PDZD7: variants seen among roughly 807,000 people sequenced by gnomAD.
PDZD7 encodes PDZ domain-containing protein 7.
A neutral mutation model predicts 84.7 loss-of-function variants in PDZD7; 72 were observed. That is an observed-to-expected ratio of 0.85 (90% CI 0.70 to 1.03). The LOEUF is 1.03. Ranked by LOEUF, PDZD7 falls within the 50% of genes least tolerant of loss-of-function variation. The pLI is 0.00. For missense variants in PDZD7, 1,490 were observed against 1,412.9 expected, an observed-to-expected ratio of 1.05 and a Z score of -0.87; for synonymous variants, 594 against 580.7, an observed-to-expected ratio of 1.02 and a Z score of -0.33.
intron 7 of PDZD7, among the ~76,000 whole-genome samples, chr10:101,020,148 T>C (rs371492255): frequency 6.6e-6 from 1 of 152,136 alleles, no homozygotes; most frequent in South Asian, 2.1e-4. Context: ...TTCACTCTTA[T>C]TGCCCAGGCT....
Position 101,008,614 on chromosome 10 carries a change from A to C in PDZD7, c.2955T>G (p.Val985=). 1.3e-6 allele frequency: 2 copies of C among 1,535,902 alleles called. No homozygotes were observed. Among genetic ancestry groups the C allele is most frequent in the East Asian group, 4.9e-5 (2 of 40,914 alleles). The part of the protein sequence containing the change: ...PAHQPLDAAP[V]PAHWLPEPPT... ...GAGGTTCTGGGAGCCAGTGGGCAGGAACTGGAGCAGCATCAAGGGGTTGGT... is the reference window on the plus strand; with the variant it reads ...GAGGTTCTGGGAGCCAGTGGGCAGGCACTGGAGCAGCATCAAGGGGTTGGT... The change falls in exon 17 of 17, where the codon GTT becomes GTG. Residue 985 remains valine, a synonymous_variant. Transcript: ENST00000619208.
intron 11 of PDZD7, among the ~76,000 whole-genome samples, chr10:101,012,526 A>G (rs11190790): frequency 6.6e-6 from 1 of 151,986 alleles, no homozygotes; most frequent in African/African-American, 2.4e-5. Context: ...AGCCTTTTAC[A>G]TACTGTCTCT....
rs1219143859 is a variant in PDZD7, at chr10:101,022,202, C to T, written c.719+7G>A. 2 of 1,614,066 alleles carry T rather than the reference C, an allele frequency of 1.2e-6. No individual in the cohort carries two copies. Among genetic ancestry groups the T allele is most frequent in the Non-Finnish European group, 1.7e-6 (2 of 1,180,024 alleles). On this transcript the variant is annotated splice_region_variant and intron_variant, in intron 5 of 16. Transcript: ENST00000619208. ...TACCCGAAGACACTTCCTGCCTCAGCCCTCACTTGGACACATAGATGCCCA... is the reference window on the plus strand; with the variant it reads ...TACCCGAAGACACTTCCTGCCTCAGTCCTCACTTGGACACATAGATGCCCA...
At chr10:101,030,674 G>T (rs765774409) in intron 1 of PDZD7, 19 of 319,436 alleles carry the variant, frequency 5.9e-5, no homozygotes, top group Non-Finnish European at 8.0e-5. Context: ...GGATTACTGC[G>T]GGCCCTGGGG....
intron 6 of PDZD7, among the ~76,000 whole-genome samples, chr10:101,021,382 C>A (rs1196152376): frequency 1.3e-5 from 2 of 152,154 alleles, no homozygotes; most frequent in African/African-American, 2.4e-5. Context: ...AGCCACCTCC[C>A]GTGAAATCCA....
rs934223829 is a variant in PDZD7, at chr10:101,011,709, G to A, written c.1986C>T (p.His662=). 30 of 1,541,076 alleles carry A rather than the reference G, an allele frequency of 1.9e-5. No individual in the cohort carries two copies. The highest frequency in any genetic ancestry group is 2.5e-5 in the Non-Finnish European group (29 of 1,146,834). ...PARQDTPPKR[H]LITPVPDSRG... is the part of the protein sequence containing the mutation. The stretch of plus-strand genomic sequence containing the variant: ...ACTGACCAGGCACGGGGGTGATAAG[G>A]TGACGCTTGGGTGGCGTGTCCTGCC... Residue 662 remains histidine, a synonymous_variant, in exon 14 of 17, where the codon CAC becomes CAT. Transcript: ENST00000619208.
Position 101,009,252 on chromosome 10 carries a change from G to A in PDZD7, c.2716C>T (p.Gln906Ter), listed in dbSNP as rs1488207344. ...GGAAFLSGAL[Q>*]AGFELVAVDG... ...GGGCCAGGGCATGCTTCACCCACCTGCAGGGCCCCACTGAGGAAAGCGGCC... is the reference window on the plus strand; with the variant it reads ...GGGCCAGGGCATGCTTCACCCACCTACAGGGCCCCACTGAGGAAAGCGGCC... The change falls in exon 16 of 17, where the codon CAG (glutamine) becomes TAG (stop). Residue 906 changes from glutamine to a stop codon, truncating the protein, a stop_gained and splice_region_variant. Transcript: ENST00000619208. LOFTEE classifies it low-confidence loss of function (END_TRUNC). The A allele has an allele frequency of 3.9e-6, 6 of 1,535,144 alleles. No homozygotes were observed. The highest frequency in any genetic ancestry group is 2.4e-5 in the East Asian group (1 of 40,930).
At chr10:101,009,089 C>T (rs1852309208) in intron 16 of PDZD7, among the ~76,000 whole-genome samples, 161 bp downstream of exon 16, 1 of 152,034 alleles carries the variant, frequency 6.6e-6, no homozygotes, top group African/African-American at 2.4e-5. Flanking sequence ...CAGAGTTTTC[C>T]CTGGGCCTGC....
Position 101,010,583 on chromosome 10 carries a change from C to T in PDZD7, c.2306G>A (p.Arg769Gln), listed in dbSNP as rs1234647923. 14 of 1,514,258 alleles carry T rather than the reference C, an allele frequency of 9.2e-6. No homozygotes were observed. The highest frequency in any genetic ancestry group is 2.0e-5 in the Admixed American group (1 of 50,088). 93.8% of individuals were successfully genotyped at this position (1,514,258 alleles called of 1,614,324 possible). ...ACGGCTGCGGCTACGGCTCTGAGCC[C>T]GGCCCCGGATCTGGCTCTGCGGAGG... ...EHPPQSQIRG[R>Q]AQSRSRSRSR... Residue 769 changes from arginine to glutamine, a missense_variant, in exon 15 of 17, where the codon CGG becomes CAG. Coordinates refer to ENST00000619208, the MANE Select transcript of PDZD7 (RefSeq NM_001195263.2).
In PDZD7 at chr10:101,015,807, C is replaced by G; in HGVS notation, c.1578G>C (p.Gln526His). The change falls in exon 11 of 17, where the codon CAG becomes CAC. Residue 526 changes from glutamine to histidine, a missense_variant. By Grantham distance (24) the Gln-to-His change is conservative. Coordinates refer to ENST00000619208, the MANE Select transcript of PDZD7 (RefSeq NM_001195263.2). Reference sequence around the variant, plus strand: ...CAGACAGCAGGGCCCGGCCCCTCTCCTGGTCTGCAGGGCAGGAACCATCAG... The same window carrying G: ...CAGACAGCAGGGCCCGGCCCCTCTCGTGGTCTGCAGGGCAGGAACCATCAG... ...KFVTWRLRRD[Q>H]ERGRALLSAR... is the part of the protein sequence containing the mutation. 6.5e-7 allele frequency: 1 copy of G among 1,548,138 alleles called. No homozygotes were observed. The highest frequency in any genetic ancestry group is 8.7e-7 in the Non-Finnish European group (1 of 1,146,158).
chr10:101,020,508 G>A lies in PDZD7; in HGVS notation c.928+110C>T, dbSNP rs7075659. On this transcript the variant is annotated intron_variant, in intron 7 of 16. Coordinates refer to ENST00000619208, the MANE Select transcript of PDZD7 (RefSeq NM_001195263.2). The stretch of plus-strand genomic sequence containing the variant: ...CCACCTCAGCCTCCCAAAATGCTGG[G>A]ATTACAGGTGTAAGCCACCAAGCCT... 0.35 allele frequency: 360,572 copies of A among 1,032,516 alleles called. 68,005 individuals are homozygous for A. The highest frequency in any genetic ancestry group is 0.4 in the Non-Finnish European group (266,830 of 671,454). 64.0% of individuals were successfully genotyped at this position (1,032,516 alleles called of 1,614,324 possible). A position where few individuals can be genotyped will look rare whatever the true frequency, so the allele number is the denominator to read the frequency against.
chr10:101,022,397 C>T lies in PDZD7; in HGVS notation c.543-12G>A, dbSNP rs199632071. On this transcript the variant is annotated splice_polypyrimidine_tract_variant and intron_variant, in intron 4 of 16. Coordinates refer to ENST00000619208, the MANE Select transcript of PDZD7 (RefSeq NM_001195263.2). The stretch of plus-strand genomic sequence containing the variant: ...TCACCACATCCACCCTGGACAACAG[C>T]AGGGGGCCCTCAGGTGGGGTCCTCC... 22 of 1,613,944 alleles carry T rather than the reference C, an allele frequency of 1.4e-5. No homozygotes were observed. In the East Asian group the frequency reaches 4.5e-4, roughly 33 times the overall value.
rs1852285901 is a variant in PDZD7 at position 101,008,388 on chromosome 10, C to G, written c.*79G>C. 1 of 1,374,100 alleles carries G rather than the reference C, an allele frequency of 7.3e-7. No homozygotes were observed. Among genetic ancestry groups the G allele is most frequent in the African/African-American group, 1.5e-5 (1 of 68,808 alleles). The allele number at this position is 1,374,100 out of a possible 1,614,324, so 85.1% of individuals were successfully genotyped here. On this transcript the variant is annotated 3_prime_UTR_variant, in exon 17 of 17. Coordinates refer to ENST00000619208, the MANE Select transcript of PDZD7 (RefSeq NM_001195263.2). ...GCAGGGTGGGCAGGAGCTGGAGAGT[C>G]CTGAAGAAGTTGGTAGGAGAGGTCC...
At position 101,022,365 on chromosome 10, in the gene PDZD7, C is replaced by A; in HGVS notation, c.563G>T (p.Arg188Leu). The change falls in exon 5 of 17, where the codon CGC (arginine) becomes CTC (leucine). Residue 188 changes from arginine (R) to leucine (L), a missense_variant. Coordinates refer to ENST00000619208, the MANE Select transcript of PDZD7 (RefSeq NM_001195263.2). ...TGAACCGCACTTCTCCACTACCAGG[C>A]GCCGATTCACCACATCCACCCTGGA... ...KTTWVDVVNR[R>L]LVVEKCGSTP... 3 of 1,614,164 alleles carry A rather than the reference C, an allele frequency of 1.9e-6. No homozygotes were observed. The South Asian group carries it at 3.3e-5, about 18-fold the overall frequency.
chr10:101,028,883 G>A (rs923949671), intron 2 of PDZD7, among the ~76,000 whole-genome samples: 3 of 152,212 alleles, frequency 2.0e-5, no homozygotes, highest in African/African-American at 7.2e-5. Context: ...GTATGACAGG[G>A]GTGAGCGTGC....
intron 2 of PDZD7, among the ~76,000 whole-genome samples, chr10:101,025,770 A>T (rs1169919859): frequency 6.7e-6 from 1 of 149,658 alleles, no homozygotes; most frequent in Non-Finnish European, 1.5e-5. Flanking sequence ...GATTGTTTTG[A>T]TCTCCTGACC....
intron 2 of PDZD7, among the ~76,000 whole-genome samples, chr10:101,025,748 C>T (rs569474419): frequency 4.9e-4 from 74 of 151,032 alleles, no homozygotes; most frequent in African/African-American, 1.6e-3. Context: ...GGGGTTTCAC[C>T]GTGTTGGCCA....
At chr10:101,026,321 GA>G (rs1937698056) in intron 2 of PDZD7, among the ~76,000 whole-genome samples, 1 of 152,012 alleles carries the variant, frequency 6.6e-6, no homozygotes, top group African/African-American at 2.4e-5. Context: ...TTTTAGTAGA[GA>G]CAGGGTTTCA....
rs1186507484 is a variant in PDZD7 at position 101,010,831 on chromosome 10, T to A, written c.2058A>T (p.Glu686Asp). ...LLPVNGFPEE[E>D]DNGELRERLG... ...GCCGCTCCCTCAGCTCCCCATTATC[T>A]TCCTCTTCCGGGAAGCCGTTCACCG... Residue 686 changes from glutamate to aspartate, a missense_variant, in exon 15 of 17, where the codon GAA becomes GAT. Coordinates refer to ENST00000619208, the MANE Select transcript of PDZD7 (RefSeq NM_001195263.2). The A allele has an allele frequency of 6.5e-7, 1 of 1,535,016 alleles. No individual in the cohort carries two copies. Among genetic ancestry groups the A allele is most frequent in the African/African-American group, 1.4e-5 (1 of 73,010 alleles).
Sources: gnomAD v4.1 joint callset for allele counts (sites outside exome capture counted in the v4.1 genomes callset) on GRCh38, gnomAD v4.1.1 for gene constraint, MANE v1.5 for transcripts, NCBI Gene and HGNC (gene_info 2026-07-23, HGNC 2026-07-21) for gene names.